Variants in CSMD1 observed in about 807,000 individuals in gnomAD.
The protein encoded by CSMD1 is CUB and sushi domain-containing protein 1.
Under a neutral mutation model 417.5 loss-of-function variants are expected in CSMD1, and 213 were observed. That is an observed-to-expected ratio of 0.51 (90% CI 0.46 to 0.57). The LOEUF (loss-of-function observed/expected upper bound fraction) is 0.57. Ranked by LOEUF, CSMD1 falls within the 20% of genes least tolerant of loss-of-function variation. CSMD1 has a pLI of 0.00. For missense variants in CSMD1, 6,923 were observed against 4,529.7 expected (o/e 1.53, Z -15.17); for synonymous variants, 2,862 against 1,736.8 (o/e 1.65, Z -16.11).
intron 1 of CSMD1, among the ~76,000 whole-genome samples, chr8:4,709,545 G>A (rs547407309): frequency 6.6e-6 from 1 of 152,364 alleles, no homozygotes; most frequent in Admixed American, 6.5e-5. Context: ...CCTCGAGGCT[G>A]GAGCCTCTGT....
At chr8:3,749,048 C>A (rs999968372) in intron 6 of CSMD1, among the ~76,000 whole-genome samples, 3 of 152,044 alleles carry the variant, frequency 2.0e-5, no homozygotes, top group African/African-American at 4.8e-5. Context: ...AAAACTGGAG[C>A]CCAACACTTA....
At chr8:4,807,590 G>A (rs541905165) in intron 1 of CSMD1, among the ~76,000 whole-genome samples, 6 of 152,178 alleles carry the variant, frequency 3.9e-5, no homozygotes, top group East Asian at 3.9e-4. Flanking sequence ...TTGTTACTCA[G>A]CATTTTTACA....
chr8:3,304,576 G>A (rs1214858649), intron 25 of CSMD1, among the ~76,000 whole-genome samples: 2 of 152,048 alleles, frequency 1.3e-5, no homozygotes, highest in African/African-American at 2.4e-5. Flanking sequence ...GCTGCTTATT[G>A]GGAAGAAGTT....
rs962236728 is a variant in CSMD1, at chr8:3,857,991, G to A, written c.819-103949C>T. The stretch of plus-strand genomic sequence containing the variant: ...TGTATAAAATTGTTCGGCATGGTGC[G>A]GTCTCTGCACAAGATTGCTCTGCAC... On this transcript the variant is annotated intron_variant, in intron 5 of 69. Transcript: ENST00000635120. Among the ~76,000 whole-genome samples the A allele has an allele frequency of 5.3e-5, 8 of 152,268 alleles. 1 individual carries two copies. The South Asian group carries it at 6.2e-4, about 12-fold the overall frequency.
intron 5 of CSMD1, among the ~76,000 whole-genome samples, chr8:3,787,081 G>C (rs556618805): frequency 3.3e-5 from 5 of 152,258 alleles, no homozygotes; most frequent in African/African-American, 1.2e-4. Flanking sequence ...TGTGTTTACA[G>C]AGGGTTAAAC....
chr8:3,449,653 G>C (rs765602457), intron 12 of CSMD1, among the ~76,000 whole-genome samples: 1 of 152,060 alleles, frequency 6.6e-6, no homozygotes, highest in Admixed American at 6.6e-5. Flanking sequence ...AAGTAGCTGA[G>C]ATTACAGGTG....
intron 5 of CSMD1, among the ~76,000 whole-genome samples, chr8:3,792,488 G>A (rs59946052): frequency 0.048 from 7,243 of 152,142 alleles, 363 homozygotes; most frequent in African/African-American, 0.12. Context: ...AAATGCCAAA[G>A]CGTTTTTGCA....
At chr8:3,769,227 C>G (rs937220789) in intron 5 of CSMD1, among the ~76,000 whole-genome samples, 1 of 152,154 alleles carries the variant, frequency 6.6e-6, no homozygotes, top group African/African-American at 2.4e-5. Flanking sequence ...CTACAACACT[C>G]GAAGGCAATT....
At chr8:3,876,768 C>T (rs890663047) in intron 5 of CSMD1, among the ~76,000 whole-genome samples, 4 of 152,102 alleles carry the variant, frequency 2.6e-5, no homozygotes, top group Non-Finnish European at 4.4e-5. Context: ...GGCCACCAGG[C>T]ACAGCAAGTT....
chr8:4,038,466 C>G (rs1052360091), intron 3 of CSMD1, among the ~76,000 whole-genome samples: 1 of 152,030 alleles, frequency 6.6e-6, no homozygotes, highest in South Asian at 2.1e-4. Flanking sequence ...ATTTAGTGTT[C>G]GAGAAAAACT....
intron 1 of CSMD1, among the ~76,000 whole-genome samples, chr8:4,714,820 G>T (rs1201056131): frequency 1.3e-5 from 2 of 152,038 alleles, no homozygotes; most frequent in East Asian, 3.9e-4. Context: ...ATTATAAACA[G>T]TAACATTAGA....
chr8:3,404,757 T>G (rs980434875), intron 15 of CSMD1, among the ~76,000 whole-genome samples: 11 of 149,678 alleles, frequency 7.3e-5, no homozygotes, highest in Admixed American at 4.0e-4. Context: ...GAGATATGTA[T>G]GTATTTATGA....
intron 10 of CSMD1, among the ~76,000 whole-genome samples, chr8:3,527,264 G>A (rs768585452): frequency 1.3e-4 from 20 of 152,052 alleles, no homozygotes; most frequent in Admixed American, 4.6e-4. Flanking sequence ...GCGCTGATAG[G>A]GAATTATAAT....
intron 34 of CSMD1, among the ~76,000 whole-genome samples, chr8:3,189,231 C>G (rs1796272621): frequency 6.6e-6 from 1 of 152,198 alleles, no homozygotes; most frequent in African/African-American, 2.4e-5. Context: ...GATCTTGAGT[C>G]TATAAATAAA....
chr8:3,381,048 G>C (rs775685513), intron 18 of CSMD1, among the ~76,000 whole-genome samples: 12 of 152,138 alleles, frequency 7.9e-5, no homozygotes, highest in Non-Finnish European at 1.5e-4. Flanking sequence ...TATCTCAAAT[G>C]AGTCAGGCAA....
At position 4,080,882 on chromosome 8, in the gene CSMD1, C is replaced by G. The variant is rs140150883; in HGVS notation, c.416-48783G>C. 4.5e-3 allele frequency among the ~76,000 whole-genome samples: 678 copies of G among 152,250 alleles called. 7 individuals carry two copies. The highest frequency in any genetic ancestry group is 0.015 in the African/African-American group (637 of 41,550). On this transcript the variant is annotated intron_variant, in intron 3 of 69. Coordinates refer to ENST00000635120, the MANE Select transcript of CSMD1 (RefSeq NM_033225.6). ...TTTACTTCCAAAACTCTTATTTAGA[C>G]TTAGACCCAAGGTGATAGTATTAAG... is the stretch of plus-strand genomic sequence containing the variant.
chr8:4,618,385 G>A (rs1217221812), intron 2 of CSMD1, among the ~76,000 whole-genome samples: 1 of 152,094 alleles, frequency 6.6e-6, no homozygotes. Flanking sequence ...AGTTTACTTT[G>A]CAGAAATATT....
intron 1 of CSMD1, among the ~76,000 whole-genome samples, chr8:4,727,787 A>G (rs2116939913): frequency 6.6e-6 from 1 of 151,524 alleles, no homozygotes; most frequent in African/African-American, 2.4e-5. Flanking sequence ...CAGGTGCTAA[A>G]TTTGGAATAT....
rs780014312 is a variant in CSMD1, at chr8:4,158,057, C to T, written c.416-125958G>A. Among the ~76,000 whole-genome samples, 61 of 151,640 alleles carry T rather than the reference C, an allele frequency of 4.0e-4. 1 individual carries two copies. Among genetic ancestry groups the T allele is most frequent in the Non-Finnish European group, 1.5e-4 (10 of 67,962 alleles). On this transcript the variant is annotated intron_variant, in intron 3 of 69. Transcript: ENST00000635120. ...CTGCTCAAAGCTCCTGCTACCCCTA[C>T]CCCTGCTTCCCCATTACAATACAAG... is the stretch of plus-strand genomic sequence containing the variant.
Sources: gnomAD v4.1 joint callset for allele counts (sites outside exome capture counted in the v4.1 genomes callset) on GRCh38, gnomAD v4.1.1 for gene constraint, MANE v1.5 for transcripts, NCBI Gene and HGNC (gene_info 2026-07-23, HGNC 2026-07-21) for gene names.